CCDC60: variants seen among roughly 807,000 people sequenced by gnomAD.
The protein encoded by CCDC60 is coiled-coil domain containing 60.
CCDC60 carries 54 observed loss-of-function variants against 63.5 expected under a neutral mutation model. That is an observed-to-expected ratio of 0.85 (90% CI 0.68 to 1.07). The LOEUF (loss-of-function observed/expected upper bound fraction) is 1.07, where lower values mean the gene tolerates loss of function less well. Ranked by LOEUF, CCDC60 falls within the 50% of genes least tolerant of loss-of-function variation. The probability of loss-of-function intolerance (pLI) is 0.00; values close to 1 mark genes in which losing one functional copy is unlikely to be tolerated. For synonymous variants in CCDC60, 206 were observed against 238.8 expected, an observed-to-expected ratio of 0.86 and a Z score of 1.27; for missense variants, 651 against 684.3, an observed-to-expected ratio of 0.95 and a Z score of 0.54.
chr12:119,373,667 T>TG (rs57046909), intron 1 of CCDC60, among the ~76,000 whole-genome samples: 3,486 of 54,100 alleles, frequency 0.064, 67 homozygotes, highest in Non-Finnish European at 0.12. Flanking sequence ...CGGGGTGGGG[T>TG]GGGGGGGGGT....
intron 5 of CCDC60, among the ~76,000 whole-genome samples, chr12:119,497,593 T>G (rs1367594138): frequency 6.6e-6 from 1 of 152,186 alleles, no homozygotes; most frequent in African/African-American, 2.4e-5. Context: ...CCTGAATAGT[T>G]AAGATTTTGA....
intron 2 of CCDC60, 109 bp from the exon 3 acceptor site, chr12:119,471,885 T>A (rs897629211): frequency 8.0e-6 from 7 of 876,886 alleles, no homozygotes; most frequent in South Asian, 1.8e-5. Flanking sequence ...CCTCTTTATC[T>A]CTCTTTTCTC....
intron 13 of CCDC60, among the ~76,000 whole-genome samples, chr12:119,532,396 C>CTATTAT (rs71451846): frequency 0.089 from 12,718 of 142,200 alleles, 604 homozygotes; most frequent in African/African-American, 0.1. Context: ...CATCACAGAA[C>CTATTAT]TATTATTATT....
chr12:119,405,514 G>A (rs545676361), intron 1 of CCDC60, among the ~76,000 whole-genome samples: 45 of 152,210 alleles, frequency 3.0e-4, no homozygotes, highest in Non-Finnish European at 4.6e-4. Context: ...CTCAAACTCT[G>A]TTAGTTTTTA....
At chr12:119,381,033 C>T (rs568265077) in intron 1 of CCDC60, among the ~76,000 whole-genome samples, 4 of 152,210 alleles carry the variant, frequency 2.6e-5, no homozygotes, top group East Asian at 1.9e-4. Flanking sequence ...ATGACCAACA[C>T]GTCTGGAACA....
rs538402013 is a variant in CCDC60, at chr12:119,480,608, CCATCAT to C, written c.449+1419_449+1424del. Among the ~76,000 whole-genome samples, 58 of 149,214 alleles carry C rather than the reference CCATCAT, an allele frequency of 3.9e-4. No homozygotes were observed. In the East Asian group the frequency reaches 9.6e-3, roughly 25 times the overall value. On this transcript the variant is annotated intron_variant, in intron 4 of 13. Transcript: ENST00000327554. ...ATCCTCATCACCATCATCACCATCA[CCATCAT>C]CATCATCATCACCATCACCATCATT...
At chr12:119,467,369 A>G (rs1950971109) in intron 2 of CCDC60, among the ~76,000 whole-genome samples, 1 of 152,250 alleles carries the variant, frequency 6.6e-6, no homozygotes. Flanking sequence ...CACCAAATTC[A>G]TATGTTGAAA....
intron 1 of CCDC60, among the ~76,000 whole-genome samples, chr12:119,344,906 C>G: frequency 6.7e-6 from 1 of 148,766 alleles, no homozygotes; most frequent in East Asian, 2.0e-4. Flanking sequence ...CACAATCTCT[C>G]CTACTTCCTT....
At chr12:119,472,501 C>G (rs1384142257) in intron 3 of CCDC60, among the ~76,000 whole-genome samples, 2 of 151,590 alleles carry the variant, frequency 1.3e-5, no homozygotes, top group African/African-American at 4.9e-5. Flanking sequence ...ATCAGTATCT[C>G]TGTTCCATAC....
At chr12:119,390,451 C>T (rs1222715821) in intron 1 of CCDC60, among the ~76,000 whole-genome samples, 2 of 152,186 alleles carry the variant, frequency 1.3e-5, no homozygotes, top group Non-Finnish European at 2.9e-5. Context: ...TGTTTACAGT[C>T]ACAGCCCCAG....
chr12:119,540,783 C>A lies in CCDC60; in HGVS notation c.*68C>A. On this transcript the variant is annotated 3_prime_UTR_variant, in exon 14 of 14. Coordinates refer to ENST00000327554, the MANE Select transcript of CCDC60 (RefSeq NM_178499.5). Reference sequence around the variant, plus strand: ...GCCTATATCATGTTCCTGTATCCTGCCTGTGTTCCTGCCTCCTGACTACCC... The same window carrying A: ...GCCTATATCATGTTCCTGTATCCTGACTGTGTTCCTGCCTCCTGACTACCC... 1 of 1,098,234 alleles carries A rather than the reference C, an allele frequency of 9.1e-7. No individual in the cohort carries two copies. The highest frequency in any genetic ancestry group is 1.4e-6 in the Non-Finnish European group (1 of 728,688). 68.0% of individuals were successfully genotyped at this position (1,098,234 alleles called of 1,614,324 possible).
intron 1 of CCDC60, among the ~76,000 whole-genome samples, chr12:119,387,345 C>A (rs1306901278): frequency 6.6e-6 from 1 of 152,162 alleles, no homozygotes; most frequent in Admixed American, 6.5e-5. Flanking sequence ...ACGGTTTGAA[C>A]AAAACTTACA....
chr12:119,487,010 G>T (rs911845944), intron 4 of CCDC60, among the ~76,000 whole-genome samples: 4 of 152,092 alleles, frequency 2.6e-5, no homozygotes, highest in Admixed American at 6.5e-5. Flanking sequence ...CTTGCGGGGA[G>T]GGGGGTGGCT....
chr12:119,532,990 C>A (rs999106035), intron 13 of CCDC60, among the ~76,000 whole-genome samples: 7 of 152,178 alleles, frequency 4.6e-5, no homozygotes, highest in African/African-American at 1.7e-4. Flanking sequence ...GAGGAATCAC[C>A]ACTCTGTCTT....
intron 3 of CCDC60, 63 bp downstream of exon 3, chr12:119,472,227 G>T: frequency 2.7e-6 from 4 of 1,502,628 alleles, no homozygotes; most frequent in Non-Finnish European, 2.8e-6. Context: ...AGTGAACCCT[G>T]CCTGGTAAGG....
chr12:119,403,623 A>G (rs1029664305), intron 1 of CCDC60, among the ~76,000 whole-genome samples: 2 of 152,080 alleles, frequency 1.3e-5, no homozygotes, highest in Admixed American at 6.5e-5. Flanking sequence ...TGCCCTCTGC[A>G]TAAAATCCCA....
chr12:119,372,385 CTG>C (rs1955906494), intron 1 of CCDC60, among the ~76,000 whole-genome samples: 2 of 152,180 alleles, frequency 1.3e-5, no homozygotes, highest in South Asian at 4.1e-4. Flanking sequence ...ATCTGCAAAA[CTG>C]GGGCATAATG....
At position 119,531,027 on chromosome 12, in the gene CCDC60, G is replaced by A. The variant is rs1270967038; in HGVS notation, c.1515G>A (p.Trp505Ter). ...AGGTGCTGCAGGATCTGAGGATTTG[G>A]GAACTGTGCTCCCCTGACATCGCTG... ...LLKVLQDLRI[W>*]ELCSPDIAVA... The change falls in exon 13 of 14, where the codon TGG becomes TGA. Residue 505 changes from tryptophan (W) to a stop codon, truncating the protein, a stop_gained. Transcript: ENST00000327554. LOFTEE classifies it high-confidence loss of function. 1 of 1,614,082 alleles carries A rather than the reference G, an allele frequency of 6.2e-7. No homozygotes were observed. The highest frequency in any genetic ancestry group is 8.5e-7 in the Non-Finnish European group (1 of 1,179,998).
chr12:119,347,665 G>A lies in CCDC60; in HGVS notation c.90+12399G>A, dbSNP rs572104682. 5.3e-5 allele frequency among the ~76,000 whole-genome samples: 8 copies of A among 152,266 alleles called. No homozygotes were observed. The South Asian group carries it at 1.0e-3, about 20-fold the overall frequency. ...TTCCATTTGGACAAGGCCTACAAAT[G>A]TTTTATTACTATATTCCCAGTACAT... On this transcript the variant is annotated intron_variant, in intron 1 of 13. Transcript: ENST00000327554.
Sources: gnomAD v4.1 joint callset for allele counts (sites outside exome capture counted in the v4.1 genomes callset) on GRCh38, gnomAD v4.1.1 for gene constraint, MANE v1.5 for transcripts, NCBI Gene and HGNC (gene_info 2026-07-23, HGNC 2026-07-21) for gene names.